The following CLIC5 variants were observed in gnomAD, a reference collection of about 807,000 sequenced individuals.
CLIC5 encodes the protein CLIC family member 5.
CLIC5 carries 20 observed loss-of-function variants against 24.7 expected under a neutral mutation model. The observed-to-expected ratio is 0.81, with a 90% confidence interval of 0.57 to 1.18. The LOEUF (loss-of-function observed/expected upper bound fraction) is 1.18, where lower values mean the gene tolerates loss of function less well. CLIC5 is among the 50% of genes most tolerant of loss of function. CLIC5 has a pLI of 0.00. For synonymous variants in CLIC5, 159 were observed against 135.6 expected, an observed-to-expected ratio of 1.17 and a Z score of -1.20; for missense variants, 341 against 326.1, an observed-to-expected ratio of 1.05 and a Z score of -0.35.
chr6:45,958,166 A>G (rs753170785), intron 1 of CLIC5, among the ~76,000 whole-genome samples: 1 of 151,988 alleles, frequency 6.6e-6, no homozygotes, highest in Non-Finnish European at 1.5e-5. Context: ...ATTTCGGCAC[A>G]GACATGCAGA....
At chr6:46,104,260 T>C in the CLIC5 span, among the ~76,000 whole-genome samples, 1 of 152,178 alleles carries the variant, frequency 6.6e-6, no homozygotes, top group East Asian at 1.9e-4. Flanking sequence ...TGTCTTGTTT[T>C]ATGTCCATGA....
At chr6:46,056,442 G>A (rs1768257418) in intron 1 of CLIC5, among the ~76,000 whole-genome samples, 1 of 151,992 alleles carries the variant, frequency 6.6e-6, no homozygotes, top group South Asian at 2.1e-4. Flanking sequence ...CTCCACCACT[G>A]CACCCCCGAC....
At chr6:46,029,959 T>A (rs1767452135) in intron 1 of CLIC5, among the ~76,000 whole-genome samples, 1 of 152,094 alleles carries the variant, frequency 6.6e-6, no homozygotes. Flanking sequence ...CAAAGGGAAA[T>A]GAAGTTACCC....
At chr6:46,019,435 C>G (rs1767110749), upstream of CLIC5, among the ~76,000 whole-genome samples, 1 of 151,872 alleles carries the variant, frequency 6.6e-6, no homozygotes, top group South Asian at 2.1e-4. Context: ...GCCTGTAATC[C>G]CAGCACTTTG....
chr6:45,981,234 G>A (rs368463938), intron 1 of CLIC5, among the ~76,000 whole-genome samples: 2 of 151,938 alleles, frequency 1.3e-5, no homozygotes, highest in East Asian at 1.9e-4. Flanking sequence ...CTCCCAAAGT[G>A]TTGGAATTAC....
At chr6:45,921,049 C>A (rs886337630) in intron 4 of CLIC5, among the ~76,000 whole-genome samples, 2 of 152,058 alleles carry the variant, frequency 1.3e-5, no homozygotes, top group Non-Finnish European at 2.9e-5. Flanking sequence ...AGAACAGTAG[C>A]CCAGTTACAG....
chr6:46,082,976 T>A (rs1181025068), upstream of CLIC5, among the ~76,000 whole-genome samples: 1 of 152,238 alleles, frequency 6.6e-6, no homozygotes, highest in Non-Finnish European at 1.5e-5. Context: ...CAGTGTCTGG[T>A]ACATATTATA....
chr6:46,050,117 T>C (rs1276493978), intron 1 of CLIC5, among the ~76,000 whole-genome samples: 2 of 152,194 alleles, frequency 1.3e-5, no homozygotes, highest in Non-Finnish European at 2.9e-5. Flanking sequence ...TGGATGTCAC[T>C]GGGCTGTTTA....
chr6:45,983,831 C>A (rs1765644238), intron 1 of CLIC5, among the ~76,000 whole-genome samples: 1 of 152,158 alleles, frequency 6.6e-6, no homozygotes, highest in African/African-American at 2.4e-5. Flanking sequence ...TTAAATTAGT[C>A]CTCCAGTTAT....
chr6:45,915,417 G>A lies in CLIC5; in HGVS notation c.407-1008C>T, dbSNP rs146776870. ...AACTATAGCTAACCCAACCCAAGAA[G>A]AGTTGGGGACAAGGCCTTCAGGGGG... On this transcript the variant is annotated intron_variant, in intron 4 of 5. Coordinates refer to ENST00000339561, the MANE Select transcript of CLIC5 (RefSeq NM_016929.5). 3.9e-3 allele frequency among the ~76,000 whole-genome samples: 592 copies of A among 152,288 alleles called. 7 individuals carry two copies. The highest frequency in any genetic ancestry group is 0.013 in the African/African-American group (557 of 41,562).
intron 1 of CLIC5, among the ~76,000 whole-genome samples, chr6:46,011,977 G>A (rs1432217918): frequency 6.6e-6 from 1 of 152,194 alleles, no homozygotes. Flanking sequence ...TAATATTCAA[G>A]TCAGTGTGTT....
intron 1 of CLIC5, among the ~76,000 whole-genome samples, chr6:46,074,085 T>C (rs532142218): frequency 9.2e-5 from 14 of 152,274 alleles, no homozygotes; most frequent in African/African-American, 3.1e-4. Context: ...AAATCAGTAA[T>C]GTTTTTTTAA....
chr6:45,981,997 C>CAAA (rs199678716), intron 1 of CLIC5, among the ~76,000 whole-genome samples: 76 of 133,672 alleles, frequency 5.7e-4, no homozygotes, highest in African/African-American at 1.7e-3. Context: ...GACTCCATCT[C>CAAA]AAAAAAAAAA....
rs1378369184 is a variant in CLIC5, at chr6:45,981,340, CTGAAATTT to C, written c.64-26104_64-26097del. On this transcript the variant is annotated intron_variant, in intron 1 of 5. Coordinates refer to ENST00000339561, the MANE Select transcript of CLIC5 (RefSeq NM_016929.5). ...TGAGTAGTATCTACTTATATAATTT[CTGAAATTT>C]TGAAACATCCTGAACTTTTTACAAA... Among the ~76,000 whole-genome samples, 18 of 151,950 alleles carry C rather than the reference CTGAAATTT, an allele frequency of 1.2e-4. No individual in the cohort carries two copies. In the East Asian group the frequency reaches 2.9e-3, roughly 24 times the overall value.
At chr6:45,954,689 T>A (rs965773459) in intron 2 of CLIC5, among the ~76,000 whole-genome samples, 6 of 152,194 alleles carry the variant, frequency 3.9e-5, no homozygotes, top group African/African-American at 1.2e-4. Context: ...TCTAGAACTG[T>A]CACACTGAGG....
At chr6:46,110,944 C>A in the CLIC5 span, among the ~76,000 whole-genome samples, 2 of 152,214 alleles carry the variant, frequency 1.3e-5, no homozygotes, top group African/African-American at 4.8e-5. Flanking sequence ...ATTGGTCCTA[C>A]TATTCCTTAC....
intron 1 of CLIC5, among the ~76,000 whole-genome samples, chr6:46,075,921 T>A (rs1762753811): frequency 6.6e-6 from 1 of 152,178 alleles, no homozygotes; most frequent in African/African-American, 2.4e-5. Context: ...TTCACCCACA[T>A]CAAATTCTTC....
downstream of CLIC5, among the ~76,000 whole-genome samples, chr6:45,893,865 G>A (rs1157608610): frequency 6.6e-6 from 1 of 152,150 alleles, no homozygotes; most frequent in Admixed American, 6.5e-5. Context: ...ACTAAAAAAA[G>A]AAATTTTTCT....
Position 45,900,177 on chromosome 6 carries a change from G to T in CLIC5, c.*2911C>A, listed in dbSNP as rs1419607656. On this transcript the variant is annotated 3_prime_UTR_variant, in exon 6 of 6. Transcript: ENST00000339561. Reference sequence around the variant, plus strand: ...CTCAGTCATTCTGAGTTTGACTCTTGCTTCTGCCTTCGTCTCCCACTACCC... The same window carrying T: ...CTCAGTCATTCTGAGTTTGACTCTTTCTTCTGCCTTCGTCTCCCACTACCC... 1.3e-5 allele frequency: 2 copies of T among 152,222 alleles called. No individual in the cohort carries two copies. Among genetic ancestry groups the T allele is most frequent in the East Asian group, 3.9e-4 (2 of 5,186 alleles). The allele number at this position is 152,222 out of a possible 1,614,324, so 9.4% of individuals were successfully genotyped here. A position where few individuals can be genotyped will look rare whatever the true frequency, so the allele number is the denominator to read the frequency against.
Sources: allele counts gnomAD v4.1 joint callset (sites outside exome capture counted in the v4.1 genomes callset), GRCh38; gene constraint gnomAD v4.1.1; transcripts MANE v1.5; gene names NCBI Gene and HGNC (gene_info 2026-07-23, HGNC 2026-07-21).